Variants in GPRC6A observed in about 807,000 individuals in gnomAD.
GPRC6A encodes the protein G protein-coupled receptor family C group 6 member A.
GPRC6A carries 54 observed loss-of-function variants against 47.0 expected under a neutral mutation model. The observed-to-expected ratio is 1.15, with a 90% CI of 0.92 to 1.44. The LOEUF is 1.44. Ranked by LOEUF, GPRC6A falls within the 40% of genes most tolerant of loss-of-function variation. The pLI, the probability that GPRC6A is intolerant of heterozygous loss-of-function variation, is 0.00. For missense variants in GPRC6A, 1,112 were observed against 1,105.5 expected (o/e 1.01, Z -0.08); for synonymous variants, 347 against 377.1 (o/e 0.92, Z 0.93).
intron 2 of GPRC6A, among the ~76,000 whole-genome samples, chr6:116,807,710 C>T (rs1175384599): frequency 6.6e-6 from 1 of 152,088 alleles, no homozygotes; most frequent in East Asian, 1.9e-4. Flanking sequence ...GCTTTTTGGT[C>T]ATATATAGTC....
intron 1 of GPRC6A, among the ~76,000 whole-genome samples, chr6:116,815,300 T>C (rs1194035990): frequency 6.6e-6 from 1 of 152,050 alleles, no homozygotes. Flanking sequence ...CTGGCCAACA[T>C]GATGAAACCC....
chr6:116,795,876 AAAAAAAATTAT>A lies in GPRC6A; in HGVS notation c.1549-52_1549-42del, dbSNP rs1445291404. ...AAAAAAAAATCACAAGTAAATTTGTAAAAAAAATTATCCTAATCGATTATCCTCGGCTTAAC... is the reference window on the plus strand; with the variant it reads ...AAAAAAAAATCACAAGTAAATTTGTACCTAATCGATTATCCTCGGCTTAAC... On this transcript the variant is annotated intron_variant, in intron 4 of 5. Transcript: ENST00000310357. 2.2e-6 allele frequency: 3 copies of A among 1,350,674 alleles called. No homozygotes were observed. The East Asian group carries it at 7.2e-5, about 32-fold the overall frequency. The allele number at this position is 1,350,674 out of a possible 1,614,324, so 83.7% of individuals were successfully genotyped here.
chr6:116,813,841 A>T (rs1214408042), intron 1 of GPRC6A, among the ~76,000 whole-genome samples: 1 of 152,234 alleles, frequency 6.6e-6, no homozygotes, highest in Non-Finnish European at 1.5e-5. Context: ...ATGGGAGAAA[A>T]TTATTGCAAT....
At chr6:116,802,918 T>C (rs1414625921) in intron 3 of GPRC6A, among the ~76,000 whole-genome samples, 1 of 152,132 alleles carries the variant, frequency 6.6e-6, no homozygotes, top group East Asian at 1.9e-4. Context: ...GTTTTAAAAA[T>C]TATTAGTTAC....
At position 116,809,323 on chromosome 6, in the gene GPRC6A, G is replaced by A; in HGVS notation, c.489C>T (p.Leu163=). ...GTAGCACAAAACCTACCTGTGGCAT[G>A]AGCTGTAAATTCAACATCCTGGAGA... is the stretch of plus-strand genomic sequence containing the variant. The part of the protein sequence containing the change: ...MAVSRMLNLQ[L]MPQVGYESTA... The change falls in exon 2 of 6, where the codon CTC becomes CTT. Residue 163 remains leucine (L), a synonymous_variant. Transcript: ENST00000310357. The A allele has an allele frequency of 1.9e-6, 3 of 1,611,786 alleles. No homozygotes were observed. The highest frequency in any genetic ancestry group is 1.7e-4 in the Middle Eastern group (1 of 6,048).
intron 5 of GPRC6A, among the ~76,000 whole-genome samples, chr6:116,795,447 C>T (rs1772449881): frequency 2.0e-5 from 3 of 152,094 alleles, no homozygotes; most frequent in African/African-American, 7.2e-5. Flanking sequence ...GAGTTGCATA[C>T]TTTAAAAAAT....
At chr6:116,826,955 A>T (rs1773698026) in intron 1 of GPRC6A, among the ~76,000 whole-genome samples, 1 of 151,990 alleles carries the variant, frequency 6.6e-6, no homozygotes, top group Non-Finnish European at 1.5e-5. Context: ...GCACAGAAAG[A>T]CGAATATCAT....
chr6:116,814,895 T>C (rs1343509195), intron 1 of GPRC6A, among the ~76,000 whole-genome samples: 1 of 152,038 alleles, frequency 6.6e-6, no homozygotes, highest in Non-Finnish European at 1.5e-5. Context: ...AGATATCTCA[T>C]GCAAACAAAA....
intron 5 of GPRC6A, among the ~76,000 whole-genome samples, chr6:116,795,469 G>A (rs553678118): frequency 3.9e-4 from 59 of 152,184 alleles, no homozygotes; most frequent in African/African-American, 1.3e-3. Context: ...TGAGCGAAGC[G>A]ATAACATTTT....
rs748823773 is a variant in GPRC6A at position 116,792,922 on chromosome 6, T to C, written c.2001A>G (p.Gly667=). The part of the protein sequence containing the change: ...FTCKTRQTMF[G]VSFTLCISCI... ...AGGAGATGCAAAGAGTAAAGCTCAC[T>C]CCAAACATTGTCTGCCTGGTTTTAC... The change falls in exon 6 of 6, where the codon GGA becomes GGG. Residue 667 remains glycine (G), a synonymous_variant. Coordinates refer to ENST00000310357, the MANE Select transcript of GPRC6A (RefSeq NM_148963.4). 3 of 1,613,980 alleles carry C rather than the reference T, an allele frequency of 1.9e-6. No individual in the cohort carries two copies. Among genetic ancestry groups the C allele is most frequent in the Non-Finnish European group, 2.5e-6 (3 of 1,179,996 alleles).
At chr6:116,814,543 A>G (rs1208569403) in intron 1 of GPRC6A, among the ~76,000 whole-genome samples, 1 of 152,154 alleles carries the variant, frequency 6.6e-6, no homozygotes, top group Non-Finnish European at 1.5e-5. Flanking sequence ...CATAGGTGGG[A>G]ATTGAGCAAT....
chr6:116,826,346 A>T (rs1773675343), intron 1 of GPRC6A, among the ~76,000 whole-genome samples: 1 of 151,978 alleles, frequency 6.6e-6, no homozygotes, highest in Non-Finnish European at 1.5e-5. Flanking sequence ...AACAATAAAA[A>T]AGCAAAATCT....
In GPRC6A at chr6:116,793,003, A is replaced by ATGACAGAG; in HGVS notation, c.1912_1919dup (p.Phe641SerfsTer31). On this transcript the variant is annotated frameshift_variant, in exon 6 of 6. Transcript: ENST00000310357. LOFTEE classifies it low-confidence loss of function (END_TRUNC). The stretch of plus-strand genomic sequence containing the variant: ...AGCTCGTGCTGGCAAAATTGAGGAA[A>ATGACAGAG]TGACAGAGAAGGATCACATAGCAGA... 6.2e-7 allele frequency: 1 copy of ATGACAGAG among 1,614,110 alleles called. No individual in the cohort carries two copies. Among genetic ancestry groups the ATGACAGAG allele is most frequent in the Non-Finnish European group, 8.5e-7 (1 of 1,179,994 alleles).
chr6:116,792,136 G>A lies in GPRC6A; in HGVS notation c.*6C>T, dbSNP rs756480809. 31 of 1,606,894 alleles carry A rather than the reference G, an allele frequency of 1.9e-5. No individual in the cohort carries two copies. Among genetic ancestry groups the A allele is most frequent in the Non-Finnish European group, 2.5e-5 (29 of 1,175,970 alleles). The stretch of plus-strand genomic sequence containing the variant: ...ATTCTGGAATGTGGCATCTCCTAAG[G>A]CTTATTCATATACTTGACATTCTTT... On this transcript the variant is annotated 3_prime_UTR_variant, in exon 6 of 6. Coordinates refer to ENST00000310357, the MANE Select transcript of GPRC6A (RefSeq NM_148963.4).
intron 1 of GPRC6A, among the ~76,000 whole-genome samples, chr6:116,814,724 C>G (rs1249395268): frequency 6.6e-6 from 1 of 151,314 alleles, no homozygotes; most frequent in Non-Finnish European, 1.5e-5. Flanking sequence ...GCAAGTTGTG[C>G]ACATGTACCC....
chr6:116,824,875 T>A lies in GPRC6A; in HGVS notation c.194+3945A>T, dbSNP rs151035864. ...CTAGTGAACAGAATTCAACAGTGCGTCACAAAGATAATACACCATGATTAA... is the reference window on the plus strand; with the variant it reads ...CTAGTGAACAGAATTCAACAGTGCGACACAAAGATAATACACCATGATTAA... On this transcript the variant is annotated intron_variant, in intron 1 of 5. Coordinates refer to ENST00000310357, the MANE Select transcript of GPRC6A (RefSeq NM_148963.4). Among the ~76,000 whole-genome samples the A allele has an allele frequency of 2.0e-3, 306 of 152,052 alleles. 1 individual carries two copies. Among genetic ancestry groups the A allele is most frequent in the African/African-American group, 6.1e-3 (255 of 41,502 alleles).
chr6:116,820,725 A>G (rs1444621151), intron 1 of GPRC6A, among the ~76,000 whole-genome samples: 2 of 151,898 alleles, frequency 1.3e-5, no homozygotes, highest in East Asian at 1.9e-4. Flanking sequence ...AATAAGAGCT[A>G]TCTATGACAA....
At chr6:116,825,019 A>T (rs1773635070) in intron 1 of GPRC6A, among the ~76,000 whole-genome samples, 1 of 152,046 alleles carries the variant, frequency 6.6e-6, no homozygotes, top group Admixed American at 6.6e-5. Context: ...TAGAAAAAGT[A>T]TTTGATAAAA....
intron 1 of GPRC6A, among the ~76,000 whole-genome samples, chr6:116,815,686 C>G (rs998661527): frequency 6.6e-6 from 1 of 151,944 alleles, no homozygotes. Context: ...CTGCAATGAA[C>G]TAAAATTAGA....
Sources: gnomAD v4.1 joint callset for allele counts (sites outside exome capture counted in the v4.1 genomes callset) on GRCh38, gnomAD v4.1.1 for gene constraint, MANE v1.5 for transcripts, NCBI Gene and HGNC (gene_info 2026-07-23, HGNC 2026-07-21) for gene names.